FEM1B: variants seen among roughly 807,000 people sequenced by gnomAD.
FEM1B encodes the protein protein fem-1 homolog B.
FEM1B carries 10 observed loss-of-function variants against 38.6 expected under a neutral mutation model. The observed-to-expected ratio is 0.26, with a 90% CI of 0.16 to 0.44. The LOEUF (loss-of-function observed/expected upper bound fraction) is 0.44. Among genes scored for constraint, FEM1B ranks in the 20% least tolerant of loss-of-function variants. The pLI, the probability that FEM1B is intolerant of heterozygous loss-of-function variation, is 1.00. For missense variants in FEM1B, 471 were observed against 786.7 expected (o/e 0.60, Z 4.80); for synonymous variants, 288 against 288.0 (o/e 1.00, Z 0.00).
rs947606589 is a variant in FEM1B at position 68,291,176 on chromosome 15, G to T, written c.1818G>T (p.Arg606=). The T allele has an allele frequency of 3.1e-6, 5 of 1,613,868 alleles. No homozygotes were observed. Among genetic ancestry groups the T allele is most frequent in the Non-Finnish European group, 4.2e-6 (5 of 1,179,936 alleles). ...SLKCLAARAV[R]ANDINYQDQI... Reference sequence around the variant, plus strand: ...AGTGCCTGGCTGCCCGAGCAGTTCGGGCTAATGACATTAACTACCAAGACC... The same window carrying T: ...AGTGCCTGGCTGCCCGAGCAGTTCGTGCTAATGACATTAACTACCAAGACC... The change falls in exon 2 of 2, where the codon CGG becomes CGT. Residue 606 remains arginine (R), a synonymous_variant. Coordinates refer to ENST00000306917, the MANE Select transcript of FEM1B (RefSeq NM_015322.5). This position sits in a 1 kb window ranked among gnomAD's most constrained non-coding sequence, Gnocchi z 6.9.
rs1013346513 is a variant in FEM1B, at chr15:68,280,815, G to C, written c.248+2150G>C. ...TTTAAGATTTCATCTCCTTGATTCT[G>C]TATATCAGTTTAGCTTATGGATTAT... On this transcript the variant is annotated intron_variant, in intron 1 of 1. Transcript: ENST00000306917. This position sits in a 1 kb window ranked among gnomAD's most constrained non-coding sequence, Gnocchi z 4.2. Among the ~76,000 whole-genome samples the C allele has an allele frequency of 4.6e-5, 7 of 152,158 alleles. No homozygotes were observed. In the East Asian group the frequency reaches 1.3e-3, roughly 29 times the overall value.
rs890894835 is a variant in FEM1B, at chr15:68,295,429, A to G, written c.*4187A>G. ...CTTAGTAACTGGTAGAGGAGAAAAGATGAGGAAAGAAACTCAGCTTTCCTC... is the reference window on the plus strand; with the variant it reads ...CTTAGTAACTGGTAGAGGAGAAAAGGTGAGGAAAGAAACTCAGCTTTCCTC... On this transcript the variant is annotated 3_prime_UTR_variant, in exon 2 of 2. Transcript: ENST00000306917. 6 of 152,204 alleles carry G rather than the reference A, an allele frequency of 3.9e-5. No homozygotes were observed. Among genetic ancestry groups the G allele is most frequent in the African/African-American group, 1.2e-4 (5 of 41,438 alleles). The allele number at this position is 152,204 out of a possible 1,614,324, so 9.4% of individuals were successfully genotyped here.
chr15:68,283,879 C>T (rs900106155), intron 1 of FEM1B, among the ~76,000 whole-genome samples: 3 of 149,580 alleles, frequency 2.0e-5, no homozygotes, highest in African/African-American at 4.9e-5. Context: ...TTTAATCTCA[C>T]GTAAACTTTT....
rs181515066 is a variant in FEM1B, at chr15:68,290,876, C to G, written c.1518C>G (p.Val506=). The G allele has an allele frequency of 6.8e-5, 109 of 1,614,122 alleles. No individual in the cohort carries two copies. The East Asian group carries it at 2.4e-3, about 36-fold the overall frequency. The change falls in exon 2 of 2, where the codon GTC becomes GTG. Residue 506 remains valine (V), a synonymous_variant. Transcript: ENST00000306917. The surrounding 1 kb of genome is among the most constrained non-coding windows in gnomAD (Gnocchi z 9.7). The part of the protein sequence containing the change: ...TPVDDFHTND[V]CSFPNALVTK... ...TTGATGATTTCCACACCAATGACGT[C>G]TGCAGCTTTCCAAATGCACTTGTCA...
chr15:68,278,700 G>C lies in FEM1B; in HGVS notation c.248+35G>C, dbSNP rs745493809. 3.1e-6 allele frequency: 5 copies of C among 1,609,688 alleles called. No homozygotes were observed. The highest frequency in any genetic ancestry group is 4.2e-6 in the Non-Finnish European group (5 of 1,176,648). ...TCCCAAGCCAGCCTCTCTCCGACGC[G>C]CGCGGACTCGTTAATTCACGGGCCC... On this transcript the variant is annotated intron_variant, in intron 1 of 1. Transcript: ENST00000306917. This position sits in a 1 kb window ranked among gnomAD's most constrained non-coding sequence, Gnocchi z 5.7.
Position 68,278,030 on chromosome 15 carries a change from G to A in FEM1B, c.-388G>A. ...ATCTTTCGCCATCCGGGGTGCGCGA[G>A]GTCCTCTCGGGACCCGGCCGGCGAC... On this transcript the variant is annotated 5_prime_UTR_variant, in exon 1 of 2. Coordinates refer to ENST00000306917, the MANE Select transcript of FEM1B (RefSeq NM_015322.5). The surrounding 1 kb of genome is among the most constrained non-coding windows in gnomAD (Gnocchi z 5.7). 4.8e-6 allele frequency: 1 copy of A among 208,180 alleles called. No homozygotes were observed. Among genetic ancestry groups the A allele is most frequent in the Non-Finnish European group, 9.6e-6 (1 of 104,414 alleles). The allele number at this position is 208,180 out of a possible 1,614,324, so 12.9% of individuals were successfully genotyped here.
rs545780308 is a variant in FEM1B at position 68,285,675 on chromosome 15, A to G, written c.249-3932A>G. ...TGGGCCATTTGGATATCTTTTGTGA[A>G]GTATACTTGTTCAGTCTTTTTTTTT... On this transcript the variant is annotated intron_variant, in intron 1 of 1. Coordinates refer to ENST00000306917, the MANE Select transcript of FEM1B (RefSeq NM_015322.5). 2.0e-5 allele frequency among the ~76,000 whole-genome samples: 3 copies of G among 151,540 alleles called. No homozygotes were observed. The East Asian group carries it at 5.8e-4, about 29-fold the overall frequency.
In FEM1B at chr15:68,293,916, A is replaced by T. The variant is rs569881342; in HGVS notation, c.*2674A>T. 1 of 152,208 alleles carries T rather than the reference A, an allele frequency of 6.6e-6. No individual in the cohort carries two copies. Among genetic ancestry groups the T allele is most frequent in the African/African-American group, 2.4e-5 (1 of 41,542 alleles). The allele number at this position is 152,208 out of a possible 1,614,324, so 9.4% of individuals were successfully genotyped here. The stretch of plus-strand genomic sequence containing the variant: ...CCACTTTGGTCATTTGATGTTTACT[A>T]TTGGTATACTTATGCTTTGAATTGT... On this transcript the variant is annotated 3_prime_UTR_variant, in exon 2 of 2. Transcript: ENST00000306917. The surrounding 1 kb of genome is among the most constrained non-coding windows in gnomAD (Gnocchi z 5.8).
rs148564851 is a variant in FEM1B, at chr15:68,290,094, C to T, written c.736C>T (p.Arg246Ter). The T allele has an allele frequency of 6.2e-7, 1 of 1,614,132 alleles. No individual in the cohort carries two copies. The highest frequency in any genetic ancestry group is 8.5e-7 in the Non-Finnish European group (1 of 1,180,022). ...GTTACTCTCTCATGCTGATTGCGACCGAAGAAGTCGGATTGAAGCTTTGGA... is the reference window on the plus strand; with the variant it reads ...GTTACTCTCTCATGCTGATTGCGACTGAAGAAGTCGGATTGAAGCTTTGGA... Reference protein sequence around the residue: ...ELLLSHADCDRRSRIEALELL... With the variant: ...ELLLSHADCD The change falls in exon 2 of 2, where the codon CGA (arginine) becomes TGA (stop). Residue 246 changes from arginine (R) to a stop codon, truncating the protein, a stop_gained. Transcript: ENST00000306917. LOFTEE classifies it high-confidence loss of function. The surrounding 1 kb of genome is among the most constrained non-coding windows in gnomAD (Gnocchi z 9.7).
At position 68,292,143 on chromosome 15, in the gene FEM1B, C is replaced by G. The variant is rs1595842229; in HGVS notation, c.*901C>G. The G allele has an allele frequency of 6.6e-6, 1 of 152,276 alleles. No individual in the cohort carries two copies. Among genetic ancestry groups the G allele is most frequent in the South Asian group, 2.1e-4 (1 of 4,826 alleles). 9.4% of individuals were successfully genotyped at this position (152,276 alleles called of 1,614,324 possible). On this transcript the variant is annotated 3_prime_UTR_variant, in exon 2 of 2. Coordinates refer to ENST00000306917, the MANE Select transcript of FEM1B (RefSeq NM_015322.5). The stretch of plus-strand genomic sequence containing the variant: ...TGTATCTTTTAAAATTTGGAAACTA[C>G]TTTTCCAGAAGGCATTATTTATGCC...
At chr15:68,285,991 T>G (rs8027628) in intron 1 of FEM1B, among the ~76,000 whole-genome samples, 39,170 of 151,292 alleles carry the variant, frequency 0.26, 5,758 homozygotes, top group Non-Finnish European at 0.33. Flanking sequence ...TTAAGAATAG[T>G]CTATGGCTTT....
At chr15:68,279,281 G>A (rs1204878512) in intron 1 of FEM1B, among the ~76,000 whole-genome samples, 1 of 152,004 alleles carries the variant, frequency 6.6e-6, no homozygotes, top group African/African-American at 2.4e-5. Flanking sequence ...GATGGCATTG[G>A]ACCTGATGTG....
chr15:68,295,709 A>G lies in FEM1B; in HGVS notation c.*4467A>G, dbSNP rs914176659. ...CCAGAGGTCCATTAGTGATTTATAT[A>G]TTGCATGACATTTTCTATTTGAGTT... On this transcript the variant is annotated 3_prime_UTR_variant, in exon 2 of 2. Coordinates refer to ENST00000306917, the MANE Select transcript of FEM1B (RefSeq NM_015322.5). 1.5e-4 allele frequency: 23 copies of G among 152,182 alleles called. No homozygotes were observed. The highest frequency in any genetic ancestry group is 5.1e-4 in the African/African-American group (21 of 41,436). The allele number at this position is 152,182 out of a possible 1,614,324, so 9.4% of individuals were successfully genotyped here.
At position 68,289,878 on chromosome 15, in the gene FEM1B, T is replaced by C. The variant is rs1188997823; in HGVS notation, c.520T>C (p.Leu174=). Residue 174 remains leucine (L), a synonymous_variant, in exon 2 of 2, where the codon TTA becomes CTA. Coordinates refer to ENST00000306917, the MANE Select transcript of FEM1B (RefSeq NM_015322.5). The surrounding 1 kb of genome is among the most constrained non-coding windows in gnomAD (Gnocchi z 6.9). ...KGHTDVVRYL[L]EQRADPNAKA... Reference sequence around the variant, plus strand: ...ACACACTGATGTGGTCAGATACCTTTTAGAACAACGTGCTGATCCCAATGC... The same window carrying C: ...ACACACTGATGTGGTCAGATACCTTCTAGAACAACGTGCTGATCCCAATGC... 2 of 1,613,864 alleles carry C rather than the reference T, an allele frequency of 1.2e-6. No individual in the cohort carries two copies. Among genetic ancestry groups the C allele is most frequent in the Admixed American group, 1.7e-5 (1 of 59,992 alleles).
At position 68,288,369 on chromosome 15, in the gene FEM1B, G is replaced by A. The variant is rs778936422; in HGVS notation, c.249-1238G>A. Among the ~76,000 whole-genome samples the A allele has an allele frequency of 6.6e-6, 1 of 152,156 alleles. No homozygotes were observed. The highest frequency in any genetic ancestry group is 6.5e-5 in the Admixed American group (1 of 15,274). ...GAGAAGCTCACTAGTGTGGTTTTTG[G>A]TGTGTATATTTAATTGCCCTAGTGA... On this transcript the variant is annotated intron_variant, in intron 1 of 1. Transcript: ENST00000306917. This position sits in a 1 kb window ranked among gnomAD's most constrained non-coding sequence, Gnocchi z 4.6.
rs774245168 is a variant in FEM1B, at chr15:68,290,405, C to T, written c.1047C>T (p.Tyr349=). Residue 349 remains tyrosine, a synonymous_variant, in exon 2 of 2, where the codon TAC becomes TAT. Transcript: ENST00000306917. The surrounding 1 kb of genome is among the most constrained non-coding windows in gnomAD (Gnocchi z 9.7). ...DNIDVSHPII[Y]RGAVYADNME... ...TTGATGTTTCTCATCCCATCATTTA[C>T]AGAGGAGCTGTTTATGCGGATAATA... 6.2e-7 allele frequency: 1 copy of T among 1,614,098 alleles called. No individual in the cohort carries two copies. The highest frequency in any genetic ancestry group is 8.5e-7 in the Non-Finnish European group (1 of 1,179,982).
rs1892833810 is a variant in FEM1B, at chr15:68,290,342, C to T, written c.984C>T (p.Gly328=). 1 of 1,613,930 alleles carries T rather than the reference C, an allele frequency of 6.2e-7. No individual in the cohort carries two copies. The highest frequency in any genetic ancestry group is 1.3e-5 in the African/African-American group (1 of 74,892). The change falls in exon 2 of 2, where the codon GGC becomes GGT. Residue 328 remains glycine, a synonymous_variant. Transcript: ENST00000306917. The surrounding 1 kb of genome is among the most constrained non-coding windows in gnomAD (Gnocchi z 9.7). ...RQDRDALHME[G]LIVRERILGA... ...ACAGAGATGCTCTTCATATGGAAGG[C>T]CTTATAGTTCGGGAACGGATTTTAG...
chr15:68,279,222 A>T (rs777200098), intron 1 of FEM1B, among the ~76,000 whole-genome samples: 1 of 152,190 alleles, frequency 6.6e-6, no homozygotes, highest in African/African-American at 2.4e-5. Context: ...ATCTCAAGAC[A>T]TGATTCTGAT....
rs1892893786 is a variant in FEM1B, at chr15:68,295,415, G to A, written c.*4173G>A. ...TTTTGTTGTTGTTGCTTAGTAACTG[G>A]TAGAGGAGAAAAGATGAGGAAAGAA... On this transcript the variant is annotated 3_prime_UTR_variant, in exon 2 of 2. Coordinates refer to ENST00000306917, the MANE Select transcript of FEM1B (RefSeq NM_015322.5). The A allele has an allele frequency of 6.6e-6, 1 of 152,138 alleles. No homozygotes were observed. The highest frequency in any genetic ancestry group is 2.4e-5 in the African/African-American group (1 of 41,414). 9.4% of individuals were successfully genotyped at this position (152,138 alleles called of 1,614,324 possible).
Sources: gnomAD v4.1 joint callset for allele counts (sites outside exome capture counted in the v4.1 genomes callset) on GRCh38, gnomAD v4.1.1 for gene constraint, Gnocchi (gnomAD v3.1) non-coding constraint, MANE v1.5 for transcripts, NCBI Gene and HGNC (gene_info 2026-07-23, HGNC 2026-07-21) for gene names.